The following TOX2 variants were observed in gnomAD, a reference collection of about 807,000 sequenced individuals.
TOX2 encodes the protein granulosa cell HMG box 1.
TOX2 carries 15 observed loss-of-function variants against 47.4 expected under a neutral mutation model. That is an observed-to-expected ratio of 0.32 (90% CI 0.21 to 0.49). The LOEUF is 0.49. Ranked by LOEUF, TOX2 falls within the 20% of genes least tolerant of loss-of-function variation. The probability of loss-of-function intolerance (pLI) is 0.99; values close to 1 mark genes in which losing one functional copy is unlikely to be tolerated. For synonymous variants in TOX2, 290 were observed against 296.6 expected (o/e 0.98, Z 0.23); for missense variants, 622 against 673.1 (o/e 0.92, Z 0.84).
In TOX2 at chr20:44,066,050, C is replaced by T. The variant is rs768294114; in HGVS notation, c.1299C>T (p.Pro433=). 5 of 1,589,324 alleles carry T rather than the reference C, an allele frequency of 3.1e-6. No individual in the cohort carries two copies. The Admixed American group carries it at 6.8e-5, about 22-fold the overall frequency. Residue 433 remains proline, a synonymous_variant, in exon 7 of 9, where the codon CCC becomes CCT. Transcript: ENST00000341197. ...MSPAPQPPVL[P]TPMALQVQLA... is the part of the protein sequence containing the mutation. The stretch of plus-strand genomic sequence containing the variant: ...CAGCCCCCCAGCCCCCTGTCCTGCC[C>T]ACCCCCATGGCACTCCAGGTGCAGC...
intron 2 of TOX2, among the ~76,000 whole-genome samples, chr20:43,994,464 A>AAAAAAG (rs2070432217): frequency 1.3e-5 from 2 of 152,002 alleles, no homozygotes; most frequent in Non-Finnish European, 2.9e-5. Context: ...GTCTCCAAAA[A>AAAAAAG]AAAAAAAAAA....
chr20:44,040,173 C>T (rs1276181461), intron 3 of TOX2, among the ~76,000 whole-genome samples: 1 of 152,178 alleles, frequency 6.6e-6, no homozygotes, highest in Non-Finnish European at 1.5e-5. Flanking sequence ...CTGAAATTGG[C>T]TTTAAGCAAA....
chr20:44,031,265 T>A (rs1015278566), intron 3 of TOX2, among the ~76,000 whole-genome samples: 1 of 152,172 alleles, frequency 6.6e-6, no homozygotes, highest in African/African-American at 2.4e-5. Flanking sequence ...TCAGCCGCTG[T>A]TCCTTGGTAG....
intron 3 of TOX2, among the ~76,000 whole-genome samples, chr20:44,018,604 T>A (rs2070923290): frequency 1.3e-5 from 2 of 152,212 alleles, no homozygotes. Context: ...TTCCCCCTGC[T>A]CTGCCTGGAT....
intron 1 of TOX2, among the ~76,000 whole-genome samples, chr20:43,972,686 G>A (rs532488783): frequency 2.6e-5 from 4 of 152,304 alleles, no homozygotes; most frequent in African/African-American, 7.2e-5. Context: ...AGAGGGAGGC[G>A]GGGGTCCCAG....
chr20:44,032,378 G>A (rs528762333), intron 3 of TOX2, among the ~76,000 whole-genome samples: 4 of 152,284 alleles, frequency 2.6e-5, no homozygotes, highest in South Asian at 2.1e-4. Flanking sequence ...GAGCGTCCCC[G>A]CGGTTGTAAC....
At chr20:43,945,722 C>T (rs11700304) in intron 1 of TOX2, 449,342 of 780,130 alleles carry the variant, frequency 0.58, 136,677 homozygotes, top group Non-Finnish European at 0.63. Flanking sequence ...GCTCCGAACA[C>T]GCAGGCCCAA....
chr20:43,931,441 A>C (rs963953041), intron 1 of TOX2, among the ~76,000 whole-genome samples: 1 of 152,200 alleles, frequency 6.6e-6, no homozygotes, highest in South Asian at 2.1e-4. Flanking sequence ...CGCTAAACAT[A>C]CACGTCTGTT....
chr20:43,981,122 A>AT (rs1425402934), intron 2 of TOX2, among the ~76,000 whole-genome samples: 1 of 152,214 alleles, frequency 6.6e-6, no homozygotes, highest in Non-Finnish European at 1.5e-5. Context: ...TAAGACAGCC[A>AT]TTTTTTACCA....
chr20:43,981,552 T>C (rs1379461307), intron 2 of TOX2, among the ~76,000 whole-genome samples: 2 of 152,206 alleles, frequency 1.3e-5, no homozygotes, highest in Non-Finnish European at 2.9e-5. Flanking sequence ...GTGCAGGTGC[T>C]GGGCAGGGAT....
intron 3 of TOX2, among the ~76,000 whole-genome samples, chr20:44,034,938 A>G (rs1439368829): frequency 6.6e-6 from 1 of 152,094 alleles, no homozygotes. Context: ...TCCTCCTTCT[A>G]TGTCTCCACC....
chr20:43,961,167 A>G (rs1461528260), intron 1 of TOX2, among the ~76,000 whole-genome samples: 2 of 152,252 alleles, frequency 1.3e-5, no homozygotes, highest in African/African-American at 4.8e-5. Flanking sequence ...GCTATCAGCA[A>G]TGGCTTCTGG....
chr20:44,035,275 G>A (rs2071221601), intron 3 of TOX2, among the ~76,000 whole-genome samples: 1 of 152,246 alleles, frequency 6.6e-6, no homozygotes, highest in Admixed American at 6.5e-5. Context: ...CTGGCTCTCA[G>A]GCCTTTTGCT....
intron 1 of TOX2, chr20:43,946,042 A>G (rs2145364470): frequency 6.2e-7 from 1 of 1,613,634 alleles, no homozygotes; most frequent in East Asian, 2.2e-5. Context: ...GCAGAAGGTA[A>G]GCAGCGGGTG....
At chr20:43,922,456 C>A (rs574268228) in intron 1 of TOX2, among the ~76,000 whole-genome samples, 2 of 152,180 alleles carry the variant, frequency 1.3e-5, no homozygotes, top group African/African-American at 2.4e-5. Flanking sequence ...AGCACCACAG[C>A]AGGCACCGTG....
At position 44,032,145 on chromosome 20, in the gene TOX2, T is replaced by C. The variant is rs1332500692; in HGVS notation, c.412-19161T>C. ...GTCGGGGAAGGCCTTCTGATAAAACTGTGGTTTGAAGGAAGTCTTGCAGTA... is the reference window on the plus strand; with the variant it reads ...GTCGGGGAAGGCCTTCTGATAAAACCGTGGTTTGAAGGAAGTCTTGCAGTA... On this transcript the variant is annotated intron_variant, in intron 3 of 8. Transcript: ENST00000341197. Among the ~76,000 whole-genome samples, 5 of 152,104 alleles carry C rather than the reference T, an allele frequency of 3.3e-5. No individual in the cohort carries two copies. In the East Asian group the frequency reaches 9.7e-4, roughly 29 times the overall value.
At chr20:43,975,179 T>G (rs2070053946) in intron 2 of TOX2, among the ~76,000 whole-genome samples, 1 of 152,172 alleles carries the variant, frequency 6.6e-6, no homozygotes, top group Admixed American at 6.5e-5. Context: ...TGGAACCTAC[T>G]GGAAAGCATT....
intron 2 of TOX2, among the ~76,000 whole-genome samples, chr20:44,003,516 G>A (rs2145590929): frequency 6.6e-6 from 1 of 152,258 alleles, no homozygotes; most frequent in African/African-American, 2.4e-5. Context: ...CTCTGTGCCA[G>A]GTCCTGACTG....
intron 3 of TOX2, among the ~76,000 whole-genome samples, chr20:44,033,173 G>A (rs1045317263): frequency 1.3e-5 from 2 of 152,194 alleles, no homozygotes; most frequent in African/African-American, 2.4e-5. Flanking sequence ...ACGTACTGAC[G>A]AGGCTTCGGG....
Sources: gnomAD v4.1 joint callset for allele counts (sites outside exome capture counted in the v4.1 genomes callset) on GRCh38, gnomAD v4.1.1 for gene constraint, MANE v1.5 for transcripts, NCBI Gene and HGNC (gene_info 2026-07-23, HGNC 2026-07-21) for gene names.